The following COPA variants were observed in gnomAD, a reference collection of about 807,000 sequenced individuals.
COPA encodes the protein coatomer subunit alpha.
In COPA, 10 loss-of-function variants were observed where a neutral mutation model predicts 158.7. The observed-to-expected ratio is 0.06, with a 90% confidence interval of 0.04 to 0.11. The LOEUF is 0.11. Among genes scored for constraint, COPA ranks in the 10% least tolerant of loss-of-function variants. The pLI, the probability that COPA is intolerant of heterozygous loss-of-function variation, is 1.00. For missense variants in COPA, 1,065 were observed against 1,536.7 expected (o/e 0.69, Z 5.13); for synonymous variants, 462 against 542.8 (o/e 0.85, Z 2.07).
At chr1:160,296,394 C>A (rs1457878047) in intron 21 of COPA, among the ~76,000 whole-genome samples, 1 of 152,160 alleles carries the variant, frequency 6.6e-6, no homozygotes, top group Non-Finnish European at 1.5e-5. Flanking sequence ...CTTGGGGTGC[C>A]CTCTTTTGCT....
At chr1:160,327,063 T>A (rs989686487) in intron 6 of COPA, among the ~76,000 whole-genome samples, 8 of 152,130 alleles carry the variant, frequency 5.3e-5, no homozygotes, top group Non-Finnish European at 4.4e-5. Context: ...TAACAAACCT[T>A]TGGAATGAAC....
chr1:160,299,163 A>G lies in COPA; in HGVS notation c.1769T>C (p.Leu590Pro). The G allele has an allele frequency of 6.2e-7, 1 of 1,614,204 alleles. No homozygotes were observed. The highest frequency in any genetic ancestry group is 1.1e-5 in the South Asian group (1 of 91,084). Residue 590 changes from leucine to proline, a missense_variant, in exon 18 of 33, where the codon CTC becomes CCC. Physicochemically the swap from Leu to Pro is moderately conservative, Grantham distance 98. Around this residue, in one of 2 missense-constraint regions of COPA, gnomAD observed 980 missense variants for 1,357.8 expected, o/e 0.72. Coordinates refer to ENST00000241704, the MANE Select transcript of COPA (RefSeq NM_004371.4). Reference protein sequence around the residue: ...CLDRECRPRVLTIDPTEFKFK... With the variant: ...CLDRECRPRVPTIDPTEFKFK... The stretch of plus-strand genomic sequence containing the variant: ...TTTGAACTCAGTGGGATCAATGGTG[A>G]GTACCCGGGGACGACACTCCCTGTC...
At chr1:160,333,749 T>C in intron 4 of COPA, 70 bp from the exon 5 acceptor site, 1 of 1,292,650 alleles carries the variant, frequency 7.7e-7, no homozygotes, top group East Asian at 2.4e-5. Flanking sequence ...TGTAATCATT[T>C]TTCTCTAAAG....
chr1:160,323,600 T>C (rs2101860397), intron 7 of COPA, 70 bp from the exon 8 acceptor site: 1 of 1,179,254 alleles, frequency 8.5e-7, no homozygotes, highest in East Asian at 2.7e-5. Flanking sequence ...TGAATCAAGC[T>C]ACTCGTTGTA....
At position 160,291,474 on chromosome 1, in the gene COPA, G is replaced by A. The variant is rs763192047; in HGVS notation, c.3281C>T (p.Ser1094Leu). ...GATCATGTGCACAGGCTGCAGGTTT[G>A]AGTGGGTGAAATAGGCTGCCATCTG... ...ICEMAAYFTH[S>L]NLQPVHMILV... The change falls in exon 31 of 33, where the codon TCA becomes TTA. Residue 1094 changes from serine (S) to leucine (L), a missense_variant. Around this residue, in one of 2 missense-constraint regions of COPA, gnomAD observed 980 missense variants for 1,357.8 expected, o/e 0.72. Transcript: ENST00000241704. 11 of 1,613,842 alleles carry A rather than the reference G, an allele frequency of 6.8e-6. No individual in the cohort carries two copies. The Admixed American group carries it at 1.8e-4, about 27-fold the overall frequency.
rs756792974 is a variant in COPA, at chr1:160,340,276, T to C, written c.59A>G (p.Lys20Arg). Reference sequence around the variant, plus strand: ...TAAACTAGTCAGGATCCAAGGTCTTTTGGGGTGAAAGCTGAGCCCTGAAAA... The same window carrying C: ...TAAACTAGTCAGGATCCAAGGTCTTCTGGGGTGAAAGCTGAGCCCTGAAAA... The part of the protein sequence containing the change: ...ARVKGLSFHP[K>R]RPWILTSLHN... Residue 20 changes from lysine to arginine, a missense_variant, in exon 2 of 33, where the codon AAA (lysine) becomes AGA (arginine). This residue lies in a region of COPA where 85 missense variants were observed against 178.9 expected (regional missense o/e 0.48). Transcript: ENST00000241704. The C allele has an allele frequency of 6.2e-7, 1 of 1,613,346 alleles. No individual in the cohort carries two copies. Among genetic ancestry groups the C allele is most frequent in the Non-Finnish European group, 8.5e-7 (1 of 1,179,788 alleles).
At chr1:160,318,625 C>A (rs1423962405) in intron 8 of COPA, among the ~76,000 whole-genome samples, 1 of 151,390 alleles carries the variant, frequency 6.6e-6, no homozygotes, top group Non-Finnish European at 1.5e-5. Flanking sequence ...CCACTTATAA[C>A]TTTACTATGA....
Position 160,293,441 on chromosome 1 carries a change from C to A in COPA, c.2699G>T (p.Gly900Val). 6.2e-7 allele frequency: 1 copy of A among 1,607,464 alleles called. No homozygotes were observed. Among genetic ancestry groups the A allele is most frequent in the Admixed American group, 1.7e-5 (1 of 58,132 alleles). ...CACAAAGAAACCATCTTCAGCCCCACCAGCTGCCCCAGGGGATATATCCTA... is the reference window on the plus strand; with the variant it reads ...CACAAAGAAACCATCTTCAGCCCCAACAGCTGCCCCAGGGGATATATCCTA... Reference protein sequence around the residue: ...PELDISPGAAGGAEDGFFVPP... With the variant: ...PELDISPGAAVGAEDGFFVPP... Residue 900 changes from glycine (G) to valine (V), a missense_variant, in exon 26 of 33, where the codon GGT becomes GTT. Gly to Val is a moderately radical substitution (Grantham distance 109). Coordinates refer to ENST00000241704, the MANE Select transcript of COPA (RefSeq NM_004371.4).
Position 160,297,697 on chromosome 1 carries a change from T to C in COPA, c.2026A>G (p.Lys676Glu). Residue 676 changes from lysine (K) to glutamate (E), a missense_variant, in exon 20 of 33, where the codon AAG becomes GAG. Lys to Glu is a moderately conservative substitution (Grantham distance 56). Around this residue, in one of 2 missense-constraint regions of COPA, gnomAD observed 980 missense variants for 1,357.8 expected, o/e 0.72. Transcript: ENST00000241704. ...KALDDKNCWE[K>E]LGEVALLQGN... ...TGCAGCAGGGCCACTTCTCCCAGCTTTTCCCAGCAGTTCTTGTCATCCAGT... is the reference window on the plus strand; with the variant it reads ...TGCAGCAGGGCCACTTCTCCCAGCTCTTCCCAGCAGTTCTTGTCATCCAGT... The C allele has an allele frequency of 6.2e-7, 1 of 1,614,156 alleles. No homozygotes were observed. Among genetic ancestry groups the C allele is most frequent in the Non-Finnish European group, 8.5e-7 (1 of 1,180,018 alleles).
chr1:160,301,549 G>A (rs76771726), intron 17 of COPA, among the ~76,000 whole-genome samples: 16,221 of 152,114 alleles, frequency 0.11, 970 homozygotes, highest in South Asian at 0.23. Context: ...ACGGCAGGCC[G>A]ACTGCTTGAG....
chr1:160,328,757 G>T (rs542814527), intron 6 of COPA, among the ~76,000 whole-genome samples: 1 of 152,290 alleles, frequency 6.6e-6, no homozygotes, highest in South Asian at 2.1e-4. Flanking sequence ...TTATATGTAG[G>T]TTTGTAAATA....
chr1:160,306,746 A>G (rs1431043188), intron 14 of COPA, among the ~76,000 whole-genome samples: 1 of 152,202 alleles, frequency 6.6e-6, no homozygotes, highest in East Asian at 1.9e-4. Context: ...TCAATGAATG[A>G]GAGAGAGAAA....
chr1:160,329,837 G>C (rs1466774910), intron 6 of COPA, among the ~76,000 whole-genome samples: 1 of 152,180 alleles, frequency 6.6e-6, no homozygotes, highest in Admixed American at 6.5e-5. Context: ...TGCCGGCCAG[G>C]GGCAGTGGCT....
In COPA at chr1:160,325,698, A is replaced by G. The variant is rs756328722; in HGVS notation, c.497-46T>C. 2.2e-6 allele frequency: 3 copies of G among 1,350,976 alleles called. No individual in the cohort carries two copies. The South Asian group carries it at 3.5e-5, about 16-fold the overall frequency. 83.7% of individuals were successfully genotyped at this position (1,350,976 alleles called of 1,614,324 possible). ...GGATGAAAGATGTAAACATAATATT[A>G]TCTAAAACAGCACAGTATCAGAAAC... On this transcript the variant is annotated intron_variant, in intron 6 of 32. Coordinates refer to ENST00000241704, the MANE Select transcript of COPA (RefSeq NM_004371.4).
chr1:160,293,210 G>A lies in COPA; in HGVS notation c.2779C>T (p.Pro927Ser). ...GAGCCTGCCAGGATGTGATCAACTG[G>A]AAGCTGAGAGTTATTACACCAGATC... ...TQIWCNNSQL[P>S]VDHILAGSFE... The change falls in exon 27 of 33, where the codon CCA (proline) becomes TCA (serine). Residue 927 changes from proline to serine, a missense_variant. This residue lies in a region of COPA where 980 missense variants were observed against 1,357.8 expected (regional missense o/e 0.72). Coordinates refer to ENST00000241704, the MANE Select transcript of COPA (RefSeq NM_004371.4). 2 of 1,614,158 alleles carry A rather than the reference G, an allele frequency of 1.2e-6. No individual in the cohort carries two copies. Among genetic ancestry groups the A allele is most frequent in the Non-Finnish European group, 1.7e-6 (2 of 1,180,030 alleles).
rs927876379 is a variant in COPA, at chr1:160,304,392, G to A, written c.1667+1041C>T. 5.3e-5 allele frequency among the ~76,000 whole-genome samples: 8 copies of A among 151,896 alleles called. No individual in the cohort carries two copies. In the East Asian group the frequency reaches 5.9e-4, roughly 11 times the overall value. ...TTGAAAAGCAGTTTCACAGCTGGGCGCGGTGGCTCACGCCTGTAATCCCAG... is the reference window on the plus strand; with the variant it reads ...TTGAAAAGCAGTTTCACAGCTGGGCACGGTGGCTCACGCCTGTAATCCCAG... On this transcript the variant is annotated intron_variant, in intron 17 of 32. Coordinates refer to ENST00000241704, the MANE Select transcript of COPA (RefSeq NM_004371.4).
At chr1:160,341,965 C>T (rs1648085958) in intron 1 of COPA, among the ~76,000 whole-genome samples, 1 of 152,170 alleles carries the variant, frequency 6.6e-6, no homozygotes, top group Non-Finnish European at 1.5e-5. Flanking sequence ...TTTCACATTT[C>T]ACCTATACAG....
In COPA at chr1:160,295,787, G is replaced by A; in HGVS notation, c.2425C>T (p.Pro809Ser). The part of the protein sequence containing the change: ...APIMPLDTNW[P>S]LLTVSKGFFE... The stretch of plus-strand genomic sequence containing the variant: ...AATCCTTTGGATACAGTCAATAAAG[G>A]CCAATTGGTATCCAATGGCATGATA... The change falls in exon 23 of 33, where the codon CCT becomes TCT. Residue 809 changes from proline (P) to serine (S), a missense_variant. Physicochemically the swap from Pro to Ser is moderately conservative, Grantham distance 74. Around this residue, in one of 2 missense-constraint regions of COPA, gnomAD observed 980 missense variants for 1,357.8 expected, o/e 0.72. Coordinates refer to ENST00000241704, the MANE Select transcript of COPA (RefSeq NM_004371.4). 6.2e-7 allele frequency: 1 copy of A among 1,613,266 alleles called. No individual in the cohort carries two copies. Among genetic ancestry groups the A allele is most frequent in the Non-Finnish European group, 8.5e-7 (1 of 1,179,786 alleles).
At chr1:160,312,083 A>C (rs1251166610) in intron 10 of COPA, 65 bp from the exon 11 acceptor site, 3 of 1,536,406 alleles carry the variant, frequency 2.0e-6, no homozygotes, top group Non-Finnish European at 2.7e-6. Context: ...TGGAAATTGG[A>C]GATACGTAAG....
Sources: gnomAD v4.1 joint callset for allele counts (sites outside exome capture counted in the v4.1 genomes callset) on GRCh38, gnomAD v4.1.1 for gene constraint, gnomAD v4.1.1 regional missense constraint, MANE v1.5 for transcripts, NCBI Gene and HGNC (gene_info 2026-07-23, HGNC 2026-07-21) for gene names.